Variants in ANKRD36B observed in about 807,000 individuals in gnomAD.
The protein encoded by ANKRD36B is ankyrin repeat domain-containing protein 36B.
Under a neutral mutation model 135.7 loss-of-function variants are expected in ANKRD36B, and 37 were observed. The observed-to-expected ratio is 0.27, with a 90% confidence interval of 0.21 to 0.36. The LOEUF is 0.36. Among genes scored for constraint, ANKRD36B ranks in the 10% least tolerant of loss-of-function variants. ANKRD36B has a pLI of 1.00. For missense variants in ANKRD36B, 549 were observed against 1,037.1 expected (o/e 0.53, Z 6.46); for synonymous variants, 179 against 348.1 (o/e 0.51, Z 5.41).
chr2:97,585,210 A>G, intron 2 of ANKRD36B, 74 bp downstream of exon 2: 6 of 1,557,428 alleles, frequency 3.9e-6, no homozygotes, highest in South Asian at 1.2e-5. Context: ...TGGTATTCCA[A>G]TGAGATAAAT....
In ANKRD36B at chr2:97,554,705, G is replaced by A. The variant is rs117177007; in HGVS notation, c.1171+355C>T. ...GTTTTCCGTCTGTTTTTATCAATAC[G>A]ATGTGACGTTTGTAAAATCTATACT... On this transcript the variant is annotated intron_variant, in intron 14 of 43. Transcript: ENST00000359901. 2.2e-4 allele frequency among the ~76,000 whole-genome samples: 34 copies of A among 151,946 alleles called. 1 individual carries two copies. The East Asian group carries it at 5.3e-3, about 23-fold the overall frequency.
intron 20 of ANKRD36B, 82 bp from the exon 21 acceptor site, chr2:97,547,813 C>T: frequency 6.6e-7 from 1 of 1,509,194 alleles, no homozygotes; most frequent in Non-Finnish European, 9.0e-7. Flanking sequence ...TTAGCATCAA[C>T]CTCTGTCTTC....
chr2:97,537,623 C>T (rs1224191792), intron 32 of ANKRD36B, among the ~76,000 whole-genome samples: 1 of 95,946 alleles, frequency 1.0e-5, no homozygotes, highest in East Asian at 2.3e-4. Flanking sequence ...GAAGTGAGTT[C>T]ACTCAGGCTT....
intron 12 of ANKRD36B, among the ~76,000 whole-genome samples, chr2:97,555,570 T>G (rs772310214): frequency 6.6e-6 from 1 of 151,924 alleles, no homozygotes; most frequent in Admixed American, 6.6e-5. Context: ...GAGCAACTCA[T>G]ACACCTGAGA....
chr2:97,535,669 T>C (rs2078847325), intron 34 of ANKRD36B, among the ~76,000 whole-genome samples: 2 of 99,260 alleles, frequency 2.0e-5, no homozygotes, highest in South Asian at 4.6e-4. Flanking sequence ...ACAAATATTT[T>C]ACAGTATCAA....
rs769570392 is a variant in ANKRD36B, at chr2:97,553,123, T to A, written c.1273+45A>T. 24 of 1,590,058 alleles carry A rather than the reference T, an allele frequency of 1.5e-5. No individual in the cohort carries two copies. The Admixed American group carries it at 2.9e-4, about 19-fold the overall frequency. Reference sequence around the variant, plus strand: ...TTTATTAGGGGTAGAGAAGTTCGTTTCTATCTGGATTGAACATGACATTGA... The same window carrying A: ...TTTATTAGGGGTAGAGAAGTTCGTTACTATCTGGATTGAACATGACATTGA... On this transcript the variant is annotated intron_variant, in intron 16 of 43. Coordinates refer to ENST00000359901, the MANE Select transcript of ANKRD36B (RefSeq NM_001393939.1).
chr2:97,533,796 G>A (rs569141566), intron 34 of ANKRD36B, among the ~76,000 whole-genome samples: 2 of 95,398 alleles, frequency 2.1e-5, no homozygotes, highest in South Asian at 2.4e-4. Flanking sequence ...GGTGGCTCAC[G>A]CCTGTAATCA....
chr2:97,528,662 C>G lies in ANKRD36B; in HGVS notation c.2265+3649G>C, dbSNP rs1461099882. ...CAAAATTGATAGACCGCTAGCAAGACTAATAAAGAAGAAAAGAGAGAAGAA... is the reference window on the plus strand; with the variant it reads ...CAAAATTGATAGACCGCTAGCAAGAGTAATAAAGAAGAAAAGAGAGAAGAA... On this transcript the variant is annotated intron_variant, in intron 35 of 43. Coordinates refer to ENST00000359901, the MANE Select transcript of ANKRD36B (RefSeq NM_001393939.1). Among the ~76,000 whole-genome samples the G allele has an allele frequency of 2.1e-5, 2 of 95,524 alleles. 1 individual carries two copies. Among genetic ancestry groups the G allele is most frequent in the East Asian group, 4.6e-4 (2 of 4,342 alleles). 62.7% of individuals were successfully genotyped at this position (95,524 alleles called of 152,430 possible).
chr2:97,589,211 A>G (rs1490054834), intron 1 of ANKRD36B, among the ~76,000 whole-genome samples: 1 of 98,318 alleles, frequency 1.0e-5, no homozygotes, highest in South Asian at 4.7e-4. Context: ...CCCTCACCCC[A>G]TCTCCCCACC....
In ANKRD36B at chr2:97,589,578, C is replaced by T; in HGVS notation, c.108G>A (p.Leu36=). 1 of 1,613,186 alleles carries T rather than the reference C, an allele frequency of 6.2e-7. No individual in the cohort carries two copies. Among genetic ancestry groups the T allele is most frequent in the Non-Finnish European group, 8.5e-7 (1 of 1,179,540 alleles). Residue 36 remains leucine, a synonymous_variant, in exon 1 of 44, where the codon CTG becomes CTA. Transcript: ENST00000359901. ...CATAATACGTGAGCAGAAGGTACTTCAGTTTCTCCAGATTACCACGTAAGA... is the reference window on the plus strand; with the variant it reads ...CATAATACGTGAGCAGAAGGTACTTTAGTTTCTCCAGATTACCACGTAAGA... ...RAVLRGNLEK[L]KYLLLTYYDA...
chr2:97,546,693 C>T (rs1050534812), intron 22 of ANKRD36B, among the ~76,000 whole-genome samples: 12 of 151,842 alleles, frequency 7.9e-5, no homozygotes, highest in African/African-American at 2.2e-4. Flanking sequence ...AATTCAACAT[C>T]ATTTTTGTTT....
At chr2:97,571,729 C>T (rs2081890065) in intron 6 of ANKRD36B, among the ~76,000 whole-genome samples, 1 of 150,140 alleles carries the variant, frequency 6.7e-6, no homozygotes, top group Non-Finnish European at 1.5e-5. Context: ...TATATGTAGC[C>T]ATTGGATATA....
intron 6 of ANKRD36B, among the ~76,000 whole-genome samples, chr2:97,563,097 C>G (rs1449366514): frequency 6.6e-6 from 1 of 151,928 alleles, no homozygotes; most frequent in Non-Finnish European, 1.5e-5. Context: ...GTTTAACTAC[C>G]CATAGCACCA....
At chr2:97,580,266 C>G (rs1357708560) in intron 4 of ANKRD36B, among the ~76,000 whole-genome samples, 196 bp downstream of exon 4, 1 of 152,192 alleles carries the variant, frequency 6.6e-6, no homozygotes, top group Non-Finnish European at 1.5e-5. Flanking sequence ...TCCTGCTATA[C>G]ACTGTTCTTT....
chr2:97,551,231 G>T (rs1200343402), intron 18 of ANKRD36B, 58 bp downstream of exon 18: 1 of 1,532,220 alleles, frequency 6.5e-7, no homozygotes, highest in Non-Finnish European at 8.8e-7. Context: ...GATTTATTCG[G>T]GGAAGAGAAC....
intron 6 of ANKRD36B, among the ~76,000 whole-genome samples, chr2:97,562,933 G>A (rs377548737): frequency 5.3e-5 from 8 of 151,590 alleles, no homozygotes; most frequent in Non-Finnish European, 1.0e-4. Context: ...TTATTTTGTC[G>A]CTATGCTTTC....
intron 3 of ANKRD36B, among the ~76,000 whole-genome samples, chr2:97,582,584 A>G (rs2082698269): frequency 6.6e-6 from 1 of 152,188 alleles, no homozygotes; most frequent in African/African-American, 2.4e-5. Context: ...TGGAATCCAG[A>G]TCTGTGCACG....
chr2:97,561,258 A>C (rs1232364598), intron 6 of ANKRD36B, among the ~76,000 whole-genome samples: 1 of 151,968 alleles, frequency 6.6e-6, no homozygotes, highest in African/African-American at 2.4e-5. Context: ...GCAAGATATC[A>C]GAATGATTTG....
chr2:97,575,136 C>G (rs1166319503), intron 6 of ANKRD36B, among the ~76,000 whole-genome samples: 1 of 151,760 alleles, frequency 6.6e-6, no homozygotes, highest in Admixed American at 6.6e-5. Flanking sequence ...TTTGCAACAT[C>G]ACTTCCTCTG....
Sources: gnomAD v4.1 joint callset for allele counts (sites outside exome capture counted in the v4.1 genomes callset) on GRCh38, gnomAD v4.1.1 for gene constraint, MANE v1.5 for transcripts, NCBI Gene and HGNC (gene_info 2026-07-23, HGNC 2026-07-21) for gene names.